Variants in INSC observed in about 807,000 individuals in gnomAD.
The protein encoded by INSC is protein inscuteable homolog.
Under a neutral mutation model 58.6 loss-of-function variants are expected in INSC, and 67 were observed. That is an observed-to-expected ratio of 1.14 (90% CI 0.94 to 1.40). The LOEUF (loss-of-function observed/expected upper bound fraction) is 1.40, where lower values mean the gene tolerates loss of function less well. INSC is among the 40% of genes most tolerant of loss of function. The probability of loss-of-function intolerance (pLI) is 0.00; values close to 1 mark genes in which losing one functional copy is unlikely to be tolerated. For missense variants in INSC, 714 were observed against 692.0 expected (o/e 1.03, Z -0.36); for synonymous variants, 262 against 276.1 (o/e 0.95, Z 0.51).
At chr11:15,165,117 G>GA (rs915762806) in intron 2 of INSC, among the ~76,000 whole-genome samples, 2 of 152,154 alleles carry the variant, frequency 1.3e-5, no homozygotes, top group Non-Finnish European at 2.9e-5. Context: ...AGTTTGTGGG[G>GA]ATAACTTATG....
intron 2 of INSC, among the ~76,000 whole-genome samples, chr11:15,163,689 G>A (rs1161636351): frequency 6.6e-6 from 1 of 152,178 alleles, no homozygotes; most frequent in East Asian, 1.9e-4. Flanking sequence ...CGCTTCCTGG[G>A]TTCAAGCGAT....
chr11:15,260,089 TG>T, the INSC span, among the ~76,000 whole-genome samples: 3 of 152,150 alleles, frequency 2.0e-5, no homozygotes, highest in Admixed American at 6.6e-5. Flanking sequence ...CATGGAGCAG[TG>T]GAGAGGATCT....
At chr11:15,118,203 T>C (rs925212016) in intron 1 of INSC, among the ~76,000 whole-genome samples, 2 of 152,324 alleles carry the variant, frequency 1.3e-5, no homozygotes, top group Admixed American at 1.3e-4. Flanking sequence ...TGAAGGGCTT[T>C]ACTGCCTCCT....
upstream of INSC, chr11:15,114,819 T>C (rs983709320): frequency 6.5e-6 from 3 of 459,324 alleles, no homozygotes; most frequent in African/African-American, 4.7e-5. Context: ...TGGAAGGTCC[T>C]TGGGAGGCTG....
At chr11:15,188,829 C>G (rs1850065105) in intron 5 of INSC, among the ~76,000 whole-genome samples, 2 of 152,146 alleles carry the variant, frequency 1.3e-5, no homozygotes, top group African/African-American at 4.8e-5. Context: ...CATTTAGGTA[C>G]AGGACCCCAA....
chr11:15,131,679 A>G (rs1848129010), intron 1 of INSC, among the ~76,000 whole-genome samples: 1 of 152,138 alleles, frequency 6.6e-6, no homozygotes. Context: ...TATTTTCTTA[A>G]TGGGCTGAAC....
intron 2 of INSC, among the ~76,000 whole-genome samples, chr11:15,164,097 A>T (rs1315439832): frequency 6.6e-6 from 1 of 151,852 alleles, no homozygotes; most frequent in African/African-American, 2.4e-5. Context: ...TTTCCTTAAA[A>T]TTTTAAGCTT....
intron 1 of INSC, among the ~76,000 whole-genome samples, chr11:15,134,726 A>G (rs1043058346): frequency 2.6e-5 from 4 of 152,086 alleles, no homozygotes; most frequent in African/African-American, 9.7e-5. Context: ...TGACCCCCCA[A>G]TATTAGTGGC....
At chr11:15,264,447 C>A in the INSC span, among the ~76,000 whole-genome samples, 7 of 145,092 alleles carry the variant, frequency 4.8e-5, no homozygotes, top group South Asian at 1.3e-3. Context: ...ATTACATCTA[C>A]CAGTAGCCTT....
At chr11:15,187,200 C>G (rs1850001786) in intron 5 of INSC, among the ~76,000 whole-genome samples, 2 of 152,260 alleles carry the variant, frequency 1.3e-5, no homozygotes, top group African/African-American at 4.8e-5. Context: ...TCCAAGATGC[C>G]TGGGTGGAAG....
upstream of INSC, chr11:15,112,647 T>TGGCG (rs1847596406): frequency 1.8e-5 from 2 of 111,912 alleles, no homozygotes; most frequent in African/African-American, 1.1e-4. Flanking sequence ...TATTGGGAAG[T>TGGCG]GGGGGGGGGG....
chr11:15,164,760 C>A (rs920628776), intron 2 of INSC, among the ~76,000 whole-genome samples: 5 of 152,084 alleles, frequency 3.3e-5, no homozygotes, highest in African/African-American at 9.7e-5. Flanking sequence ...AATCTCATCT[C>A]GAATTATGGC....
intron 10 of INSC, among the ~76,000 whole-genome samples, chr11:15,236,055 C>CAAAAAA (rs66649068): frequency 9.1e-5 from 9 of 99,028 alleles, no homozygotes; most frequent in South Asian, 3.8e-4. Flanking sequence ...GACTCTGTCT[C>CAAAAAA]AAAAAAAAAA....
chr11:15,260,943 C>A, the INSC span, among the ~76,000 whole-genome samples: 1 of 152,164 alleles, frequency 6.6e-6, no homozygotes, highest in Non-Finnish European at 1.5e-5. Context: ...TGGCATCCAC[C>A]AGTGGCTCAC....
chr11:15,216,644 T>C (rs1182403118), intron 7 of INSC, among the ~76,000 whole-genome samples: 1 of 152,214 alleles, frequency 6.6e-6, no homozygotes, highest in East Asian at 1.9e-4. Context: ...AAAACAGAAA[T>C]CACTCCCATT....
At chr11:15,200,153 TCACA>T (rs57120673) in intron 6 of INSC, among the ~76,000 whole-genome samples, 27,688 of 146,692 alleles carry the variant, frequency 0.19, 2,576 homozygotes, top group South Asian at 0.32. Flanking sequence ...AAGGGTTATA[TCACA>T]CACACACACA....
chr11:15,211,987 G>C (rs1156765064), intron 7 of INSC, among the ~76,000 whole-genome samples: 1 of 151,452 alleles, frequency 6.6e-6, no homozygotes, highest in Non-Finnish European at 1.5e-5. Context: ...AGATTATCTT[G>C]GTAATTCTTA....
chr11:15,222,558 A>G (rs1851484815), intron 8 of INSC, among the ~76,000 whole-genome samples: 2 of 152,168 alleles, frequency 1.3e-5, no homozygotes, highest in African/African-American at 2.4e-5. Context: ...TATGTGCAGC[A>G]AGCCTGCGCC....
At chr11:15,166,441 C>T (rs925370674) in intron 2 of INSC, among the ~76,000 whole-genome samples, 2 of 152,000 alleles carry the variant, frequency 1.3e-5, no homozygotes, top group African/African-American at 4.8e-5. Flanking sequence ...GTTACTTGCC[C>T]AACACTTAAA....
Sources: allele counts gnomAD v4.1 joint callset (sites outside exome capture counted in the v4.1 genomes callset), GRCh38; gene constraint gnomAD v4.1.1; transcripts MANE v1.5; gene names NCBI Gene and HGNC (gene_info 2026-07-23, HGNC 2026-07-21).